Variants in CRX observed in about 807,000 individuals in gnomAD.
The protein encoded by CRX is cone-rod homeobox protein.
A neutral mutation model predicts 13.1 loss-of-function variants in CRX; 5 were observed. The ratio of observed to expected loss-of-function variants is 0.38; its 90% CI spans 0.20 to 0.80. The LOEUF is 0.80. CRX is among the 30% of genes least tolerant of loss of function. The pLI is 0.43. For synonymous variants in CRX, 179 were observed against 171.1 expected (o/e 1.05, Z -0.36); for missense variants, 351 against 391.8 (o/e 0.90, Z 0.88).
chr19:47,842,354 G>T lies in CRX; in HGVS notation c.*2387G>T, dbSNP rs1214128889. On this transcript the variant is annotated 3_prime_UTR_variant, in exon 4 of 4. Transcript: ENST00000221996. ...CCCAGCACTTTGGGAGGCCGAGGCGGGTGGATCACCTGAGGTCAGGAGTTC... is the reference window on the plus strand; with the variant it reads ...CCCAGCACTTTGGGAGGCCGAGGCGTGTGGATCACCTGAGGTCAGGAGTTC... The T allele has an allele frequency of 3.9e-5, 6 of 152,264 alleles. No homozygotes were observed. Among genetic ancestry groups the T allele is most frequent in the Admixed American group, 3.9e-4 (6 of 15,274 alleles). 9.4% of individuals were successfully genotyped at this position (152,264 alleles called of 1,614,324 possible).
chr19:47,836,136 T>G, intron 2 of CRX, 107 bp from the exon 3 acceptor site: 1 of 1,401,624 alleles, frequency 7.1e-7, no homozygotes, highest in Non-Finnish European at 1.0e-6. Context: ...ATCCTTAGTT[T>G]AGGCAGATGG....
At position 47,836,261 on chromosome 19, in the gene CRX, G is replaced by A. The variant is rs771450991; in HGVS notation, c.119G>A (p.Arg40Gln). 14 of 1,614,104 alleles carry A rather than the reference G, an allele frequency of 8.7e-6. No homozygotes were observed. The highest frequency in any genetic ancestry group is 1.7e-5 in the Admixed American group (1 of 60,004). The stretch of plus-strand genomic sequence containing the variant: ...ACCCCAGGCGCCCCCAGGAAGCAGC[G>A]GCGGGAGCGCACCACCTTCACCCGG... ...VPYPSAPRKQ[R>Q]RERTTFTRSQ... The change falls in exon 3 of 4, where the codon CGG becomes CAG. Residue 40 changes from arginine (R) to glutamine (Q), a missense_variant. By Grantham distance (43) the Arg-to-Gln change is conservative. Transcript: ENST00000221996.
Position 47,835,512 on chromosome 19 carries a change from G to GT in CRX, c.101-730dup, listed in dbSNP as rs1968106537. Among the ~76,000 whole-genome samples the GT allele has an allele frequency of 6.7e-5, 10 of 149,844 alleles. No homozygotes were observed. The South Asian group carries it at 2.1e-3, about 32-fold the overall frequency. The stretch of plus-strand genomic sequence containing the variant: ...TGATTCTCCTGCCTCAGCCTCCCAA[G>GT]TAGCTGGGATTACAGGCGCACACCA... On this transcript the variant is annotated intron_variant, in intron 2 of 3. Transcript: ENST00000221996.
intron 1 of CRX, among the ~76,000 whole-genome samples, chr19:47,824,516 T>G (rs1453576989): frequency 6.6e-6 from 1 of 152,192 alleles, no homozygotes; most frequent in Non-Finnish European, 1.5e-5. Context: ...GAGTTACTGT[T>G]GCCTGAGATC....
rs570884237 is a variant in CRX at position 47,824,343 on chromosome 19, C to T, written c.-36+2333C>T. Among the ~76,000 whole-genome samples, 28 of 152,282 alleles carry T rather than the reference C, an allele frequency of 1.8e-4. 1 individual carries two copies. The South Asian group carries it at 4.2e-3, about 23-fold the overall frequency. ...GGAGCATCCTAAGAGGCCATATCGC[C>T]GGGTGATCAGGAGGGCACCGGCTCC... On this transcript the variant is annotated intron_variant, in intron 1 of 3. Coordinates refer to ENST00000221996, the MANE Select transcript of CRX (RefSeq NM_000554.6).
At chr19:47,831,631 C>G (rs1968047420) in intron 1 of CRX, among the ~76,000 whole-genome samples, 1 of 152,172 alleles carries the variant, frequency 6.6e-6, no homozygotes, top group Admixed American at 6.5e-5. Context: ...GGACTGCTGC[C>G]TTGGAATATG....
At chr19:47,822,684 A>T (rs115567068) in intron 1 of CRX, among the ~76,000 whole-genome samples, 208 of 152,336 alleles carry the variant, frequency 1.4e-3, no homozygotes, top group African/African-American at 4.7e-3. Flanking sequence ...CAATGCACCC[A>T]GAGGCTCTGG....
In CRX at chr19:47,843,110, AGTGTTG is replaced by A. The variant is rs1338754625; in HGVS notation, c.*3146_*3151del. ...TTGCTTTTCCTGGGCTGGGCTCCTG[AGTGTTG>A]GTTCTTCCAGCTGTGCACAGGGGAT... On this transcript the variant is annotated 3_prime_UTR_variant, in exon 4 of 4. Coordinates refer to ENST00000221996, the MANE Select transcript of CRX (RefSeq NM_000554.6). 1 of 152,124 alleles carries A rather than the reference AGTGTTG, an allele frequency of 6.6e-6. No individual in the cohort carries two copies. The highest frequency in any genetic ancestry group is 2.4e-5 in the African/African-American group (1 of 41,390). The allele number at this position is 152,124 out of a possible 1,614,324, so 9.4% of individuals were successfully genotyped here.
In CRX at chr19:47,834,453, T is replaced by A. The variant is rs150122798; in HGVS notation, c.10T>A (p.Tyr4Asn). Reference sequence around the variant, plus strand: ...AGTGTCCCCGAAGATCATGATGGCGTATATGAACCCGGGGCCCCACTATTC... The same window carrying A: ...AGTGTCCCCGAAGATCATGATGGCGAATATGAACCCGGGGCCCCACTATTC... MMA[Y>N]MNPGPHYSVN... is the part of the protein sequence containing the mutation. Residue 4 changes from tyrosine (Y) to asparagine (N), a missense_variant, in exon 2 of 4, where the codon TAT becomes AAT. Coordinates refer to ENST00000221996, the MANE Select transcript of CRX (RefSeq NM_000554.6). The A allele has an allele frequency of 6.2e-7, 1 of 1,613,902 alleles. No homozygotes were observed. Among genetic ancestry groups the A allele is most frequent in the South Asian group, 1.1e-5 (1 of 91,086 alleles).
At chr19:47,823,384 CTG>C (rs2123728136) in intron 1 of CRX, among the ~76,000 whole-genome samples, 1 of 152,302 alleles carries the variant, frequency 6.6e-6, no homozygotes, top group East Asian at 1.9e-4. Context: ...GGGCTGCCCA[CTG>C]TGTGTGAATT....
intron 1 of CRX, 51 bp from the exon 2 acceptor site, chr19:47,834,358 C>A (rs1968090403): frequency 1.9e-6 from 2 of 1,040,036 alleles, no homozygotes; most frequent in Admixed American, 3.4e-5. Context: ...GCACGTCACC[C>A]CATGGTGAGT....
intron 3 of CRX, among the ~76,000 whole-genome samples, chr19:47,837,888 GTATA>G (rs1382164133): frequency 2.0e-5 from 3 of 152,112 alleles, no homozygotes; most frequent in Non-Finnish European, 4.4e-5. Flanking sequence ...TGTGAGGTAT[GTATA>G]TATGATCAGA....
chr19:47,831,707 C>CT (rs985813779), intron 1 of CRX, among the ~76,000 whole-genome samples: 3 of 151,960 alleles, frequency 2.0e-5, no homozygotes, highest in African/African-American at 7.3e-5. Context: ...ATGCTGTCAG[C>CT]TTTTTTTGTC....
rs1374032062 is a variant in CRX at position 47,839,561 on chromosome 19, C to T, written c.494C>T (p.Pro165Leu). 1.3e-5 allele frequency: 21 copies of T among 1,612,620 alleles called. No homozygotes were observed. Among genetic ancestry groups the T allele is most frequent in the Non-Finnish European group, 1.7e-5 (20 of 1,179,124 alleles). ...GTGGCCACTGTGTCCATCTGGAGCC[C>T]AGCCTCAGAGTCCCCTTTGCCTGAG... ...TAVATVSIWS[P>L]ASESPLPEAQ... The change falls in exon 4 of 4, where the codon CCA (proline) becomes CTA (leucine). Residue 165 changes from proline (P) to leucine (L), a missense_variant. Transcript: ENST00000221996. This position sits in a 1 kb window ranked among gnomAD's most constrained non-coding sequence, Gnocchi z 4.6.
At chr19:47,828,932 AC>A (rs1296560550) in intron 1 of CRX, among the ~76,000 whole-genome samples, 6 of 145,114 alleles carry the variant, frequency 4.1e-5, no homozygotes, top group African/African-American at 1.5e-4. Flanking sequence ...ACACACACAC[AC>A]ACACACACAA....
intron 1 of CRX, among the ~76,000 whole-genome samples, chr19:47,824,108 G>A (rs541326715): frequency 1.3e-4 from 20 of 152,206 alleles, no homozygotes; most frequent in Non-Finnish European, 2.2e-4. Flanking sequence ...GGCCTGCAGT[G>A]GGAGCAGGGC....
At chr19:47,827,655 T>A (rs965329551) in intron 1 of CRX, among the ~76,000 whole-genome samples, 1 of 145,034 alleles carries the variant, frequency 6.9e-6, no homozygotes, top group African/African-American at 2.5e-5. Flanking sequence ...TCTCAAGTAG[T>A]TGGGATTACA....
intron 1 of CRX, among the ~76,000 whole-genome samples, chr19:47,830,793 T>TAAAAAAAA (rs36112007): frequency 7.3e-6 from 1 of 137,854 alleles, no homozygotes; most frequent in Non-Finnish European, 1.6e-5. Context: ...AAGACTCCAT[T>TAAAAAAAA]AAAAAAAAAA....
rs1968194825 is a variant in CRX, at chr19:47,841,392, G to A, written c.*1425G>A. The A allele has an allele frequency of 6.6e-6, 1 of 152,032 alleles. No homozygotes were observed. The highest frequency in any genetic ancestry group is 1.5e-5 in the Non-Finnish European group (1 of 68,014). 9.4% of individuals were successfully genotyped at this position (152,032 alleles called of 1,614,324 possible). A position where few individuals can be genotyped will look rare whatever the true frequency, so the allele number is the denominator to read the frequency against. On this transcript the variant is annotated 3_prime_UTR_variant, in exon 4 of 4. Transcript: ENST00000221996. The stretch of plus-strand genomic sequence containing the variant: ...TCTTTTGTTTTAGGATTTTCTAAAG[G>A]TGAGACACTGGTGGAACTGGGGTAG...
Sources: gnomAD v4.1 joint callset for allele counts (sites outside exome capture counted in the v4.1 genomes callset) on GRCh38, gnomAD v4.1.1 for gene constraint, Gnocchi (gnomAD v3.1) non-coding constraint, MANE v1.5 for transcripts, NCBI Gene and HGNC (gene_info 2026-07-23, HGNC 2026-07-21) for gene names.